The following MUC12 variants were observed in gnomAD, a reference collection of about 807,000 sequenced individuals.
MUC12 encodes mucin-12.
A neutral mutation model predicts 230.8 loss-of-function variants in MUC12; 172 were observed. The observed-to-expected ratio is 0.75, with a 90% CI of 0.66 to 0.85. MUC12 has a LOEUF of 0.85. MUC12 is among the 40% of genes least tolerant of loss of function. The pLI is 0.00. For missense variants in MUC12, 3,506 were observed against 5,920.6 expected (o/e 0.59, Z 13.38); for synonymous variants, 1,259 against 2,401.9 (o/e 0.52, Z 13.91).
intron 1 of MUC12, among the ~76,000 whole-genome samples, chr7:100,970,495 A>AG (rs1396533115): frequency 5.9e-5 from 9 of 151,876 alleles, no homozygotes; most frequent in African/African-American, 1.2e-4. Context: ...CAAAAAAAAA[A>AG]AGAGAGAGAG....
At chr7:100,988,308 A>AG (rs1563088235) in intron 1 of MUC12, among the ~76,000 whole-genome samples, 2 of 148,492 alleles carry the variant, frequency 1.3e-5, no homozygotes, top group South Asian at 2.1e-4. Context: ...AAAAAAAAAA[A>AG]AAAGAAAGAA....
At chr7:100,982,210 T>G (rs1462291340) in intron 1 of MUC12, among the ~76,000 whole-genome samples, 2 of 151,998 alleles carry the variant, frequency 1.3e-5, no homozygotes, top group Non-Finnish European at 2.9e-5. Flanking sequence ...CATGGCTTTT[T>G]ACTGAACTTA....
intron 1 of MUC12, among the ~76,000 whole-genome samples, chr7:100,976,313 T>C (rs1217054552): frequency 6.7e-6 from 1 of 150,152 alleles, no homozygotes; most frequent in Non-Finnish European, 1.5e-5. Context: ...TATTAAAAAT[T>C]GCAAATATTC....
intron 1 of MUC12, chr7:100,973,101 G>A (rs747414014): frequency 1.5e-6 from 1 of 661,748 alleles, no homozygotes; most frequent in Middle Eastern, 3.3e-4. Flanking sequence ...AGACATCACA[G>A]GAACCTCTGT....
rs1448430796 is a variant in MUC12 at position 100,971,591 on chromosome 7, A to G, written c.67+1902A>G. 3.9e-5 allele frequency among the ~76,000 whole-genome samples: 6 copies of G among 152,428 alleles called. No homozygotes were observed. The East Asian group carries it at 1.2e-3, about 29-fold the overall frequency. ...CACCCGGACATGTTGGGAGAGAGGT[A>G]CAGGCAGGGAGGAGCTGATGGGAGA... On this transcript the variant is annotated intron_variant, in intron 1 of 11. Coordinates refer to ENST00000536621, the MANE Select transcript of MUC12 (RefSeq NM_001164462.2).
intron 2 of MUC12, among the ~76,000 whole-genome samples, 188 bp from the exon 3 acceptor site, chr7:101,006,283 G>A (rs763658591): frequency 1.4e-4 from 22 of 152,036 alleles, no homozygotes; most frequent in Non-Finnish European, 2.6e-4. Flanking sequence ...ACTCTCTGCT[G>A]TTCCTCCTCC....
rs1407776998 is a variant in MUC12 at position 101,004,959 on chromosome 7, G to T, written c.14396G>T (p.Ser4799Ile). 2 of 1,537,710 alleles carry T rather than the reference G, an allele frequency of 1.3e-6. No homozygotes were observed. Among genetic ancestry groups the T allele is most frequent in the Non-Finnish European group, 1.7e-6 (2 of 1,147,044 alleles). Residue 4799 changes from serine to isoleucine, a missense_variant, in exon 2 of 12, where the codon AGT becomes ATT. Physicochemically the swap from Ser to Ile is moderately radical, Grantham distance 142 (BLOSUM62 -2). Coordinates refer to ENST00000536621, the MANE Select transcript of MUC12 (RefSeq NM_001164462.2). ...AGTCAGGAATCAACAACTTTCCACAGTAAGCCAGGCTCAACTGAGACAACA... is the reference window on the plus strand; with the variant it reads ...AGTCAGGAATCAACAACTTTCCACATTAAGCCAGGCTCAACTGAGACAACA... ...GLSQESTTFHSKPGSTETTLS... is the reference protein window; with the variant it reads ...GLSQESTTFHIKPGSTETTLS...
chr7:101,015,003 C>A (rs1236696699), intron 9 of MUC12, among the ~76,000 whole-genome samples: 3 of 152,090 alleles, frequency 2.0e-5, no homozygotes, highest in Non-Finnish European at 4.4e-5. Flanking sequence ...TTAATCTATT[C>A]ATGAGGACAG....
At chr7:100,986,028 C>T (rs1050734302) in intron 1 of MUC12, among the ~76,000 whole-genome samples, 40 of 152,064 alleles carry the variant, frequency 2.6e-4, no homozygotes, top group African/African-American at 9.4e-4. Context: ...AGCTCATAAA[C>T]GAGAGGATTG....
At chr7:100,984,287 C>T (rs1278372971) in intron 1 of MUC12, among the ~76,000 whole-genome samples, 6 of 148,232 alleles carry the variant, frequency 4.0e-5, no homozygotes, top group Admixed American at 1.3e-4. Context: ...GACAGAGTCT[C>T]GCTGTGTCAC....
At chr7:100,971,109 T>C (rs1441631386) in intron 1 of MUC12, among the ~76,000 whole-genome samples, 11 of 149,670 alleles carry the variant, frequency 7.3e-5, no homozygotes, top group Non-Finnish European at 1.5e-5. Flanking sequence ...TGAGCCGAGA[T>C]TGCACTGCTG....
In MUC12 at chr7:100,996,254, C is replaced by A. The variant is rs1793486416; in HGVS notation, c.5691C>A (p.Thr1897=). ...AAACGACAGCGTTACCCGGCAGTAC[C>A]ACAACGCCAGGCCTCAGTGAGAAAT... ...SMETTALPGS[T]TTPGLSEKST... is the part of the protein sequence containing the mutation. The change falls in exon 2 of 12, where the codon ACC becomes ACA. Residue 1897 remains threonine (T), a synonymous_variant. Coordinates refer to ENST00000536621, the MANE Select transcript of MUC12 (RefSeq NM_001164462.2). The A allele has an allele frequency of 6.5e-7, 1 of 1,527,056 alleles. No homozygotes were observed. The highest frequency in any genetic ancestry group is 8.8e-7 in the Non-Finnish European group (1 of 1,141,414). 94.6% of individuals were successfully genotyped at this position (1,527,056 alleles called of 1,614,324 possible).
chr7:100,979,551 G>A (rs2116273197), intron 1 of MUC12, among the ~76,000 whole-genome samples: 1 of 152,244 alleles, frequency 6.6e-6, no homozygotes, highest in African/African-American at 2.4e-5. Context: ...GGAGACCAAG[G>A]CAGGCAGATC....
At chr7:101,013,187 G>A in intron 8 of MUC12, 45 bp downstream of exon 8, 3 of 1,532,690 alleles carry the variant, frequency 2.0e-6, no homozygotes, top group Non-Finnish European at 2.6e-6. Context: ...CCTGGTGATA[G>A]GGCCCTCCCC....
chr7:101,012,674 C>T lies in MUC12; in HGVS notation c.15404-145C>T, dbSNP rs1793855020. On this transcript the variant is annotated intron_variant, in intron 6 of 11. Transcript: ENST00000536621. ...TCCCCATTTGAGCCTCCTCACAAGC[C>T]CAGCTGCATGTCTAGGGTGGGCAAA... 25 of 1,018,494 alleles carry T rather than the reference C, an allele frequency of 2.5e-5. No individual in the cohort carries two copies. In the Middle Eastern group the frequency reaches 6.4e-4, roughly 26 times the overall value. 63.1% of individuals were successfully genotyped at this position (1,018,494 alleles called of 1,614,324 possible).
Position 101,014,004 on chromosome 7 carries a change from A to ATGGCGG in MUC12, c.15733_15738dup (p.Ala5245_Val5246dup). ...CGTGTATGGGATCGTGGGGGCTGTG[A>ATGGCGG]TGGCGGTGCTGCTGCTCGCATTGAT... is the stretch of plus-strand genomic sequence containing the variant. On this transcript the variant is annotated inframe_insertion, in exon 9 of 12. Transcript: ENST00000536621. 1 of 1,537,076 alleles carries ATGGCGG rather than the reference A, an allele frequency of 6.5e-7. No homozygotes were observed. Among genetic ancestry groups the ATGGCGG allele is most frequent in the African/African-American group, 1.4e-5 (1 of 73,156 alleles).
In MUC12 at chr7:100,992,177, C is replaced by A; in HGVS notation, c.1614C>A (p.Gly538=). ...CAACACACACAACAGCATTCCCTGGCAGTACCACCATGCCAGGCCTCAGTC... is the reference window on the plus strand; with the variant it reads ...CAACACACACAACAGCATTCCCTGGAAGTACCACCATGCCAGGCCTCAGTC... The part of the protein sequence containing the change: ...PGSTHTTAFP[G]STTMPGLSQE... Residue 538 remains glycine (G), a synonymous_variant, in exon 2 of 12, where the codon GGC becomes GGA. Coordinates refer to ENST00000536621, the MANE Select transcript of MUC12 (RefSeq NM_001164462.2). 1.3e-6 allele frequency: 2 copies of A among 1,537,910 alleles called. No homozygotes were observed. The highest frequency in any genetic ancestry group is 2.4e-5 in the East Asian group (1 of 40,926).
At chr7:100,981,412 G>C (rs920519682) in intron 1 of MUC12, 3 of 636,204 alleles carry the variant, frequency 4.7e-6, no homozygotes, top group Non-Finnish European at 8.5e-6. Context: ...TAGCCCAGGG[G>C]ACGACGGGGA....
At chr7:100,971,248 C>T (rs1457112931) in intron 1 of MUC12, among the ~76,000 whole-genome samples, 1 of 152,270 alleles carries the variant, frequency 6.6e-6, no homozygotes, top group African/African-American at 2.4e-5. Flanking sequence ...CCTTGCTCAG[C>T]CTGGTCGTGG....
Sources: allele counts gnomAD v4.1 joint callset (sites outside exome capture counted in the v4.1 genomes callset), GRCh38; gene constraint gnomAD v4.1.1; transcripts MANE v1.5; gene names NCBI Gene and HGNC (gene_info 2026-07-23, HGNC 2026-07-21).